CIT: variants seen among roughly 807,000 people sequenced by gnomAD.
CIT encodes citron Rho-interacting kinase.
In CIT, 79 loss-of-function variants were observed where a neutral mutation model predicts 272.7. The observed-to-expected ratio is 0.29, with a 90% CI of 0.24 to 0.35. The LOEUF (loss-of-function observed/expected upper bound fraction) is 0.35, where lower values mean the gene tolerates loss of function less well. CIT is among the 10% of genes least tolerant of loss of function. CIT has a pLI of 1.00. For synonymous variants in CIT, 948 were observed against 995.6 expected (o/e 0.95, Z 0.90); for missense variants, 1,909 against 2,618.3 (o/e 0.73, Z 5.91).
intron 33 of CIT, 57 bp downstream of exon 33, chr12:119,714,140 C>G: frequency 6.3e-7 from 1 of 1,596,792 alleles, no homozygotes; most frequent in South Asian, 1.1e-5. Context: ...ACCTGATAGA[C>G]TTTTTAAGCT....
chr12:119,806,771 T>C (rs1171120128), intron 9 of CIT, among the ~76,000 whole-genome samples: 3 of 151,828 alleles, frequency 2.0e-5, no homozygotes, highest in Non-Finnish European at 4.4e-5. Flanking sequence ...AAAAGAACAA[T>C]CTAAAATGAG....
intron 24 of CIT, among the ~76,000 whole-genome samples, chr12:119,737,124 G>A (rs1052206930): frequency 6.6e-6 from 1 of 151,822 alleles, no homozygotes; most frequent in Non-Finnish European, 1.5e-5. Context: ...CGGCTAACAC[G>A]GTGAAACCCC....
At position 119,773,125 on chromosome 12, in the gene CIT, A is replaced by G. The variant is rs1275951567; in HGVS notation, c.1942-215T>C. Reference sequence around the variant, plus strand: ...CAATCATTTAATTCTATATTTCATTATTCTAAGGTGCACTTTTTTTAACAT... The same window carrying G: ...CAATCATTTAATTCTATATTTCATTGTTCTAAGGTGCACTTTTTTTAACAT... On this transcript the variant is annotated intron_variant, in intron 16 of 47. Coordinates refer to ENST00000392521, the MANE Select transcript of CIT (RefSeq NM_001206999.2). Among the ~76,000 whole-genome samples, 7 of 151,994 alleles carry G rather than the reference A, an allele frequency of 4.6e-5. No homozygotes were observed. In the East Asian group the frequency reaches 1.2e-3, roughly 25 times the overall value.
chr12:119,814,907 G>A (rs760128531), intron 9 of CIT, among the ~76,000 whole-genome samples: 14 of 151,916 alleles, frequency 9.2e-5, no homozygotes, highest in Admixed American at 7.9e-4. Flanking sequence ...GCGTGGTGGC[G>A]CATGCCTGTA....
rs552992844 is a variant in CIT at position 119,732,447 on chromosome 12, G to A, written c.3350+1717C>T. Among the ~76,000 whole-genome samples, 128 of 152,224 alleles carry A rather than the reference G, an allele frequency of 8.4e-4. 1 individual carries two copies. Among genetic ancestry groups the A allele is most frequent in the Non-Finnish European group, 1.3e-3 (86 of 68,014 alleles). On this transcript the variant is annotated intron_variant, in intron 26 of 47. Coordinates refer to ENST00000392521, the MANE Select transcript of CIT (RefSeq NM_001206999.2). ...CTTGAGGGTGGGAGGGAAGGGGTCT[G>A]TGGGAAAACAACCAGAACTTACAAT...
chr12:119,712,102 A>G lies in CIT; in HGVS notation c.4854+76T>C. 1.4e-6 allele frequency: 2 copies of G among 1,403,910 alleles called. No individual in the cohort carries two copies. Among genetic ancestry groups the G allele is most frequent in the Non-Finnish European group, 1.9e-6 (2 of 1,029,792 alleles). The allele number at this position is 1,403,910 out of a possible 1,614,324, so 87.0% of individuals were successfully genotyped here. A position where few individuals can be genotyped will look rare whatever the true frequency, so the allele number is the denominator to read the frequency against. Reference sequence around the variant, plus strand: ...GAGGGGAATCAAAATGGCCAATGGGATTCTCGTCGTTAACACCAGTTACCA... The same window carrying G: ...GAGGGGAATCAAAATGGCCAATGGGGTTCTCGTCGTTAACACCAGTTACCA... On this transcript the variant is annotated intron_variant, in intron 37 of 47. Coordinates refer to ENST00000392521, the MANE Select transcript of CIT (RefSeq NM_001206999.2). The surrounding 1 kb of genome is among the most constrained non-coding windows in gnomAD (Gnocchi z 5.2).
Position 119,694,136 on chromosome 12 carries a change from C to T in CIT, c.5882+3523G>A, listed in dbSNP as rs867771249. Among the ~76,000 whole-genome samples, 35 of 152,202 alleles carry T rather than the reference C, an allele frequency of 2.3e-4. No individual in the cohort carries two copies. Among genetic ancestry groups the T allele is most frequent in the African/African-American group, 4.6e-4 (19 of 41,446 alleles). ...AGACGAGGCCAGTCCCACTTCCACA[C>T]GCAGCTGGTGGGATGGCAAATGGGA... On this transcript the variant is annotated intron_variant, in intron 46 of 47. Coordinates refer to ENST00000392521, the MANE Select transcript of CIT (RefSeq NM_001206999.2). This position sits in a 1 kb window ranked among gnomAD's most constrained non-coding sequence, Gnocchi z 4.5.
At chr12:119,859,067 C>T (rs1950256543) in intron 3 of CIT, among the ~76,000 whole-genome samples, 1 of 152,152 alleles carries the variant, frequency 6.6e-6, no homozygotes, top group Admixed American at 6.6e-5. Context: ...ACTCTAGATA[C>T]ACTGATCTGA....
At position 119,712,356 on chromosome 12, in the gene CIT, T is replaced by G. The variant is rs1168160905; in HGVS notation, c.4685-9A>C. 1 of 1,605,028 alleles carries G rather than the reference T, an allele frequency of 6.2e-7. No individual in the cohort carries two copies. The highest frequency in any genetic ancestry group is 2.2e-5 in the East Asian group (1 of 44,730). ...CAGTATGTATGGGACATCTAGGAGATTTCAGAGAGCACAGGATTGGGTGTG... is the reference window on the plus strand; with the variant it reads ...CAGTATGTATGGGACATCTAGGAGAGTTCAGAGAGCACAGGATTGGGTGTG... On this transcript the variant is annotated splice_polypyrimidine_tract_variant and intron_variant, in intron 36 of 47. Coordinates refer to ENST00000392521, the MANE Select transcript of CIT (RefSeq NM_001206999.2). This position sits in a 1 kb window ranked among gnomAD's most constrained non-coding sequence, Gnocchi z 5.2.
chr12:119,780,804 C>T (rs1362967805), intron 13 of CIT, among the ~76,000 whole-genome samples: 1 of 152,156 alleles, frequency 6.6e-6, no homozygotes, highest in African/African-American at 2.4e-5. Context: ...AAAATAAATC[C>T]TTGTTCCGAT....
At position 119,765,381 on chromosome 12, in the gene CIT, A is replaced by G. The variant is rs574776825; in HGVS notation, c.2304+1706T>C. Among the ~76,000 whole-genome samples, 592 of 145,954 alleles carry G rather than the reference A, an allele frequency of 4.1e-3. 5 individuals are homozygous for G. Among genetic ancestry groups the G allele is most frequent in the African/African-American group, 0.014 (565 of 40,018 alleles). ...ATATATATATATTATATATAATATA[A>G]TATATATTATAATATATATTATATA... is the stretch of plus-strand genomic sequence containing the variant. On this transcript the variant is annotated intron_variant, in intron 19 of 47. Coordinates refer to ENST00000392521, the MANE Select transcript of CIT (RefSeq NM_001206999.2).
chr12:119,784,317 A>C lies in CIT; in HGVS notation c.1402-266T>G, dbSNP rs774044756. 1.3e-4 allele frequency: 192 copies of C among 1,474,984 alleles called. No homozygotes were observed. Among genetic ancestry groups the C allele is most frequent in the Admixed American group, 1.0e-3 (52 of 50,624 alleles). The allele number at this position is 1,474,984 out of a possible 1,614,324, so 91.4% of individuals were successfully genotyped here. On this transcript the variant is annotated intron_variant, in intron 11 of 47. Coordinates refer to ENST00000392521, the MANE Select transcript of CIT (RefSeq NM_001206999.2). The surrounding 1 kb of genome is among the most constrained non-coding windows in gnomAD (Gnocchi z 4.7). ...CTAACCCAGTTAGCAAGGAAGCCACAATCATCATTTTTCACCTGTTTGCTT... is the reference window on the plus strand; with the variant it reads ...CTAACCCAGTTAGCAAGGAAGCCACCATCATCATTTTTCACCTGTTTGCTT...
chr12:119,765,237 C>CA (rs1395294424), intron 19 of CIT, among the ~76,000 whole-genome samples: 2 of 151,526 alleles, frequency 1.3e-5, no homozygotes, highest in Non-Finnish European at 2.9e-5. Flanking sequence ...CCCATCTCTA[C>CA]AAAAAACATT....
chr12:119,708,905 C>G (rs544098823), intron 39 of CIT, among the ~76,000 whole-genome samples: 1 of 152,222 alleles, frequency 6.6e-6, no homozygotes, highest in African/African-American at 2.4e-5. Flanking sequence ...CAAACATGCT[C>G]CCCAGCAAAG....
At chr12:119,793,461 T>A (rs982610763) in intron 10 of CIT, among the ~76,000 whole-genome samples, 1 of 152,182 alleles carries the variant, frequency 6.6e-6, no homozygotes, top group Non-Finnish European at 1.5e-5. Flanking sequence ...AGGCACACTT[T>A]GTGAAATAAG....
Position 119,866,572 on chromosome 12 carries a change from A to G in CIT, c.238+2488T>C, listed in dbSNP as rs539388012. 7.9e-5 allele frequency among the ~76,000 whole-genome samples: 12 copies of G among 152,302 alleles called. No individual in the cohort carries two copies. The South Asian group carries it at 2.3e-3, about 29-fold the overall frequency. ...AGTGGCTCATGCCTGTAATCCAAGCATTTTGGGAGGCCAAGGTGGGAGGAT... is the reference window on the plus strand; with the variant it reads ...AGTGGCTCATGCCTGTAATCCAAGCGTTTTGGGAGGCCAAGGTGGGAGGAT... On this transcript the variant is annotated intron_variant, in intron 3 of 47. Coordinates refer to ENST00000392521, the MANE Select transcript of CIT (RefSeq NM_001206999.2).
intron 16 of CIT, 37 bp from the exon 17 acceptor site, chr12:119,772,947 A>G: frequency 6.3e-7 from 1 of 1,582,930 alleles, no homozygotes; most frequent in South Asian, 1.1e-5. Context: ...AGGTGGGCAA[A>G]TTTATTCATA....
Position 119,714,300 on chromosome 12 carries a change from G to A in CIT, c.4203C>T (p.His1401=). 6.2e-7 allele frequency: 1 copy of A among 1,614,138 alleles called. No homozygotes were observed. The highest frequency in any genetic ancestry group is 8.5e-7 in the Non-Finnish European group (1 of 1,180,026). ...FSRRLKERMH[H]NIPHRFNVGL... Reference sequence around the variant, plus strand: ...CTACGTTGAATCGGTGAGGAATATTGTGGTGCATGCGTTCCTTAAGACGCC... The same window carrying A: ...CTACGTTGAATCGGTGAGGAATATTATGGTGCATGCGTTCCTTAAGACGCC... Residue 1401 remains histidine, a synonymous_variant, in exon 33 of 48, where the codon CAC becomes CAT. Transcript: ENST00000392521.
intron 40 of CIT, among the ~76,000 whole-genome samples, chr12:119,707,491 A>C (rs1956942073): frequency 6.6e-6 from 1 of 151,694 alleles, no homozygotes; most frequent in Non-Finnish European, 1.5e-5. Flanking sequence ...TAAAAAAGAG[A>C]CTCGACGAAA....
Sources: gnomAD v4.1 joint callset for allele counts (sites outside exome capture counted in the v4.1 genomes callset) on GRCh38, gnomAD v4.1.1 for gene constraint, Gnocchi (gnomAD v3.1) non-coding constraint, MANE v1.5 for transcripts, NCBI Gene and HGNC (gene_info 2026-07-23, HGNC 2026-07-21) for gene names.